ANKRD30B: variants seen among roughly 807,000 people sequenced by gnomAD.
ANKRD30B encodes ankyrin repeat domain-containing protein 30B.
ANKRD30B carries 144 observed loss-of-function variants against 202.2 expected under a neutral mutation model. The observed-to-expected ratio is 0.71, with a 90% CI of 0.62 to 0.82. The LOEUF (loss-of-function observed/expected upper bound fraction) is 0.82, where lower values mean the gene tolerates loss of function less well. Among genes scored for constraint, ANKRD30B ranks in the 40% least tolerant of loss-of-function variants. The pLI is 0.00. For synonymous variants in ANKRD30B, 508 were observed against 561.3 expected, an observed-to-expected ratio of 0.91 and a Z score of 1.34; for missense variants, 1,487 against 1,669.1, an observed-to-expected ratio of 0.89 and a Z score of 1.90.
the ANKRD30B span, among the ~76,000 whole-genome samples, chr18:14,937,850 A>G: frequency 6.6e-6 from 1 of 152,170 alleles, no homozygotes; most frequent in Non-Finnish European, 1.5e-5. Flanking sequence ...ATCTTGTAAC[A>G]AAACCCCATA....
intron 15 of ANKRD30B, among the ~76,000 whole-genome samples, chr18:14,789,832 A>C (rs565926572): frequency 3.4e-4 from 52 of 152,184 alleles, no homozygotes; most frequent in Non-Finnish European, 4.4e-4. Context: ...TGTGATGCCT[A>C]CAGCTTTGTT....
downstream of ANKRD30B, among the ~76,000 whole-genome samples, chr18:14,855,824 G>T (rs1972082549): frequency 6.7e-6 from 1 of 149,290 alleles, no homozygotes; most frequent in Non-Finnish European, 1.5e-5. Flanking sequence ...AGACGGGGTG[G>T]CCAGGCAGAG....
intron 34 of ANKRD30B, among the ~76,000 whole-genome samples, chr18:14,835,916 A>C (rs1467728373): frequency 6.6e-6 from 1 of 152,004 alleles, no homozygotes; most frequent in Non-Finnish European, 1.5e-5. Flanking sequence ...AAATGTTTTC[A>C]TTCAATTCAA....
At chr18:14,807,931 C>G (rs1318933051) in intron 24 of ANKRD30B, among the ~76,000 whole-genome samples, 2 of 150,976 alleles carry the variant, frequency 1.3e-5, no homozygotes, top group African/African-American at 2.4e-5. Context: ...TGTAAAAATA[C>G]TCCTATATCA....
chr18:14,849,818 C>CT (rs1450583642), intron 40 of ANKRD30B, among the ~76,000 whole-genome samples: 2 of 151,426 alleles, frequency 1.3e-5, no homozygotes, highest in Non-Finnish European at 3.0e-5. Flanking sequence ...AATCTGTAAA[C>CT]TTTTTTTATA....
the ANKRD30B span, among the ~76,000 whole-genome samples, chr18:14,933,778 G>C: frequency 6.6e-6 from 1 of 152,106 alleles, no homozygotes; most frequent in African/African-American, 2.4e-5. Context: ...GAGGGAAGGC[G>C]CATTGAGACC....
the ANKRD30B span, among the ~76,000 whole-genome samples, chr18:14,865,702 C>T: frequency 6.6e-6 from 1 of 151,424 alleles, no homozygotes; most frequent in Non-Finnish European, 1.5e-5. Flanking sequence ...TGGCACTAAC[C>T]ACCCTCTTTA....
the ANKRD30B span, among the ~76,000 whole-genome samples, chr18:14,912,705 G>A: frequency 8.5e-5 from 13 of 152,272 alleles, no homozygotes; most frequent in East Asian, 1.7e-3. Context: ...TTAGTTCTTC[G>A]TGTGTTTGGT....
downstream of ANKRD30B, among the ~76,000 whole-genome samples, chr18:14,855,979 G>A (rs1166148158): frequency 7.3e-6 from 1 of 136,228 alleles, no homozygotes; most frequent in East Asian, 2.4e-4. Flanking sequence ...GGGCAGCTGG[G>A]CAAAGGCGCT....
the ANKRD30B span, among the ~76,000 whole-genome samples, chr18:14,894,160 T>A: frequency 6.6e-6 from 1 of 152,242 alleles, no homozygotes; most frequent in African/African-American, 2.4e-5. Flanking sequence ...CAATAATTCA[T>A]GAATTTATCT....
intron 33 of ANKRD30B, among the ~76,000 whole-genome samples, chr18:14,830,510 C>A (rs568464989): frequency 7.7e-4 from 118 of 152,260 alleles, no homozygotes; most frequent in Middle Eastern, 3.4e-3. Flanking sequence ...TCAGGGCACT[C>A]TCTTGTAGCG....
At chr18:14,901,436 A>G in the ANKRD30B span, among the ~76,000 whole-genome samples, 1 of 152,360 alleles carries the variant, frequency 6.6e-6, no homozygotes, top group Non-Finnish European at 1.5e-5. Context: ...AACATCAAGT[A>G]GAACAAAATT....
chr18:14,771,134 G>T (rs993087290), intron 8 of ANKRD30B, among the ~76,000 whole-genome samples: 10 of 152,122 alleles, frequency 6.6e-5, no homozygotes, highest in Non-Finnish European at 1.3e-4. Flanking sequence ...CCATTTCGTT[G>T]TTTTTCAGGA....
intron 30 of ANKRD30B, among the ~76,000 whole-genome samples, chr18:14,821,217 T>C (rs1970403202): frequency 6.6e-6 from 1 of 152,184 alleles, no homozygotes; most frequent in Non-Finnish European, 1.5e-5. Flanking sequence ...ATATCCCCTT[T>C]ATCATTTTTT....
chr18:14,903,894 C>G, the ANKRD30B span, among the ~76,000 whole-genome samples: 1 of 152,190 alleles, frequency 6.6e-6, no homozygotes, highest in East Asian at 1.9e-4. Flanking sequence ...ACTACACATT[C>G]CAGAGATTAG....
chr18:14,816,512 G>C (rs542396036), intron 30 of ANKRD30B: 2 of 152,088 alleles, frequency 1.3e-5, no homozygotes, highest in South Asian at 4.2e-4. Context: ...CAAGCATGGT[G>C]GTGGGTGCCT....
At chr18:14,893,022 C>T in the ANKRD30B span, among the ~76,000 whole-genome samples, 20 of 149,112 alleles carry the variant, frequency 1.3e-4, no homozygotes, top group East Asian at 6.1e-4. Flanking sequence ...AAAGATTCTA[C>T]GTTTAGCTGA....
chr18:14,791,253 T>C (rs1193171393), intron 15 of ANKRD30B, 148 bp from the exon 16 acceptor site: 39 of 607,216 alleles, frequency 6.4e-5, no homozygotes, highest in Non-Finnish European at 1.0e-4. Context: ...CAAAATGTTT[T>C]GATTTTCTAT....
chr18:14,778,724 C>A (rs1214968309), intron 10 of ANKRD30B, among the ~76,000 whole-genome samples: 1 of 152,136 alleles, frequency 6.6e-6, no homozygotes, highest in Non-Finnish European at 1.5e-5. Context: ...ATTCAGCAGA[C>A]TTGGGATTCT....
Sources: allele counts gnomAD v4.1 joint callset (sites outside exome capture counted in the v4.1 genomes callset), GRCh38; gene constraint gnomAD v4.1.1; transcripts MANE v1.5; gene names NCBI Gene and HGNC (gene_info 2026-07-23, HGNC 2026-07-21).